The following WWOX variants were observed in gnomAD, a reference collection of about 807,000 sequenced individuals.
WWOX encodes the protein WW domain-containing oxidoreductase.
WWOX carries 69 observed loss-of-function variants against 46.2 expected under a neutral mutation model. The ratio of observed to expected loss-of-function variants is 1.49; its 90% CI spans 1.23 to 1.82. The LOEUF (loss-of-function observed/expected upper bound fraction) is 1.82, where lower values mean the gene tolerates loss of function less well. Ranked by LOEUF, WWOX falls within the 40% of genes most tolerant of loss-of-function variation. WWOX has a pLI of 0.00. For synonymous variants in WWOX, 359 were observed against 202.6 expected, an observed-to-expected ratio of 1.77 and a Z score of -6.56; for missense variants, 919 against 542.6, an observed-to-expected ratio of 1.69 and a Z score of -6.89.
At chr16:78,490,611 T>A (rs2084758741) in intron 8 of WWOX, among the ~76,000 whole-genome samples, 1 of 152,152 alleles carries the variant, frequency 6.6e-6, no homozygotes, top group Non-Finnish European at 1.5e-5. Context: ...AGAGACCAAA[T>A]GAAACAAACG....
At chr16:78,535,587 A>G (rs1314204894) in intron 8 of WWOX, 1 of 152,218 alleles carries the variant, frequency 6.6e-6, no homozygotes, top group African/African-American at 2.4e-5. Flanking sequence ...GGACCTTTGA[A>G]ATATTTTTTT....
intron 8 of WWOX, among the ~76,000 whole-genome samples, chr16:78,622,330 G>T (rs2046209608): frequency 6.6e-6 from 1 of 152,020 alleles, no homozygotes; most frequent in African/African-American, 2.4e-5. Context: ...ATCACCTGAG[G>T]TCAGGAGTTT....
chr16:79,129,792 C>A (rs564568803), intron 8 of WWOX, among the ~76,000 whole-genome samples: 1 of 152,110 alleles, frequency 6.6e-6, no homozygotes, highest in African/African-American at 2.4e-5. Flanking sequence ...CAGTCACAGT[C>A]CATCCCTCAA....
chr16:78,797,821 C>G (rs539880015), intron 8 of WWOX, among the ~76,000 whole-genome samples: 3 of 152,244 alleles, frequency 2.0e-5, no homozygotes, highest in South Asian at 2.1e-4. Context: ...GTCTCTGTCT[C>G]TACAAAAAAT....
chr16:79,179,513 G>A (rs767471653), intron 8 of WWOX, among the ~76,000 whole-genome samples: 1 of 152,192 alleles, frequency 6.6e-6, no homozygotes, highest in Non-Finnish European at 1.5e-5. Flanking sequence ...TCATGCTTTT[G>A]TTTTTGTTTT....
intron 8 of WWOX, among the ~76,000 whole-genome samples, chr16:78,711,510 G>C (rs141328916): frequency 6.6e-6 from 1 of 152,298 alleles, no homozygotes; most frequent in East Asian, 1.9e-4. Context: ...GCATACAGCT[G>C]TTCTAGAATA....
chr16:78,709,884 C>T (rs566944240), intron 8 of WWOX, among the ~76,000 whole-genome samples: 2 of 152,012 alleles, frequency 1.3e-5, no homozygotes, highest in East Asian at 1.9e-4. Context: ...ACCCGCCACC[C>T]GACGCCCAGC....
chr16:78,876,094 A>C (rs2044228783), intron 8 of WWOX, among the ~76,000 whole-genome samples: 1 of 152,114 alleles, frequency 6.6e-6, no homozygotes, highest in East Asian at 1.9e-4. Context: ...GTGCTGAGGA[A>C]CTCTAGATAT....
At chr16:78,938,021 C>G (rs928337652) in intron 8 of WWOX, among the ~76,000 whole-genome samples, 1 of 152,180 alleles carries the variant, frequency 6.6e-6, no homozygotes, top group Non-Finnish European at 1.5e-5. Context: ...GTATTGCTGT[C>G]CTCACCGTCC....
At chr16:79,085,191 G>GTC (rs1344922445) in intron 8 of WWOX, among the ~76,000 whole-genome samples, 1 of 151,972 alleles carries the variant, frequency 6.6e-6, no homozygotes, top group South Asian at 2.1e-4. Flanking sequence ...TTCTGTCTTT[G>GTC]TCTCTCTCTC....
At chr16:78,885,277 CT>C (rs2044431358) in intron 8 of WWOX, among the ~76,000 whole-genome samples, 1 of 148,326 alleles carries the variant, frequency 6.7e-6, no homozygotes, top group African/African-American at 2.5e-5. Context: ...CTTCTTCCAT[CT>C]GTATTTTCTT....
At chr16:78,374,189 C>G (rs2081762221) in intron 5 of WWOX, among the ~76,000 whole-genome samples, 1 of 152,210 alleles carries the variant, frequency 6.6e-6, no homozygotes, top group African/African-American at 2.4e-5. Context: ...ATTCTTTCCT[C>G]CCTTTCTTCC....
chr16:78,180,740 A>G (rs2035506553), intron 5 of WWOX, among the ~76,000 whole-genome samples: 1 of 151,286 alleles, frequency 6.6e-6, no homozygotes. Flanking sequence ...CATGAATACT[A>G]GTGGGTAAAT....
intron 8 of WWOX, among the ~76,000 whole-genome samples, chr16:78,650,309 A>G (rs1246544912): frequency 1.3e-5 from 2 of 152,212 alleles, no homozygotes; most frequent in Non-Finnish European, 2.9e-5. Context: ...TGTCTTTCAG[A>G]ATAACATACT....
At chr16:78,351,131 C>T (rs974069621) in intron 5 of WWOX, among the ~76,000 whole-genome samples, 15 of 152,102 alleles carry the variant, frequency 9.9e-5, no homozygotes, top group Non-Finnish European at 2.1e-4. Flanking sequence ...ATCATGCCCA[C>T]CTCATTTTCT....
chr16:78,983,082 C>G (rs577161854), intron 8 of WWOX, among the ~76,000 whole-genome samples: 2 of 152,186 alleles, frequency 1.3e-5, no homozygotes, highest in South Asian at 4.2e-4. Flanking sequence ...TGGAAGTGGG[C>G]TTGTGTTTTG....
chr16:78,383,370 G>A (rs545887117), intron 5 of WWOX, among the ~76,000 whole-genome samples: 3 of 152,076 alleles, frequency 2.0e-5, no homozygotes, highest in Non-Finnish European at 2.9e-5. Flanking sequence ...GCCATGTTTT[G>A]TGAATCTATA....
At chr16:78,269,736 C>G (rs964813765) in intron 5 of WWOX, among the ~76,000 whole-genome samples, 3 of 152,084 alleles carry the variant, frequency 2.0e-5, no homozygotes, top group Non-Finnish European at 2.9e-5. Flanking sequence ...CAGCTTCTGG[C>G]CAGTAGAATT....
At chr16:78,490,947 A>G (rs1047005351) in intron 8 of WWOX, among the ~76,000 whole-genome samples, 2 of 152,062 alleles carry the variant, frequency 1.3e-5, no homozygotes, top group Admixed American at 6.6e-5. Flanking sequence ...ATCACGGGCA[A>G]CTCGGCTTGG....
Sources: allele counts gnomAD v4.1 joint callset (sites outside exome capture counted in the v4.1 genomes callset), GRCh38; gene constraint gnomAD v4.1.1; transcripts MANE v1.5; gene names NCBI Gene and HGNC (gene_info 2026-07-23, HGNC 2026-07-21).